Variants in PCDHGB1 observed in about 807,000 individuals in gnomAD.
PCDHGB1 encodes protocadherin gamma subfamily B, 1, also known as protocadherin gamma-B1.
Under a neutral mutation model 56.6 loss-of-function variants are expected in PCDHGB1, and 34 were observed. The ratio of observed to expected loss-of-function variants is 0.60; its 90% CI spans 0.46 to 0.80. The LOEUF is 0.80. PCDHGB1 is among the 30% of genes least tolerant of loss of function. The probability of loss-of-function intolerance (pLI) is 0.00; values close to 1 mark genes in which losing one functional copy is unlikely to be tolerated. For missense variants in PCDHGB1, 1,278 were observed against 1,204.6 expected, an observed-to-expected ratio of 1.06 and a Z score of -0.90; for synonymous variants, 561 against 505.9, an observed-to-expected ratio of 1.11 and a Z score of -1.46.
intron 1 of PCDHGB1, chr5:141,424,773 T>C (rs1398493027): frequency 6.6e-6 from 1 of 152,206 alleles, no homozygotes; most frequent in African/African-American, 2.4e-5. Flanking sequence ...TGGCAAATAG[T>C]ACATTCAGTT....
chr5:141,499,012 G>GGAAGGAAT, intron 2 of PCDHGB1, among the ~76,000 whole-genome samples: 1 of 147,618 alleles, frequency 6.8e-6, no homozygotes. Context: ...AAGGAAGGAA[G>GGAAGGAAT]GAAGGAAGGA....
At chr5:141,418,409 G>T in intron 1 of PCDHGB1, 1 of 1,613,910 alleles carries the variant, frequency 6.2e-7, no homozygotes, top group Non-Finnish European at 8.5e-7. Flanking sequence ...GGTGGAGAAA[G>T]ACAATCCTGA....
At chr5:141,358,578 A>C (rs1241957472) in intron 1 of PCDHGB1, among the ~76,000 whole-genome samples, 4 of 152,212 alleles carry the variant, frequency 2.6e-5, no homozygotes, top group Non-Finnish European at 4.4e-5. Context: ...ACTATGTGTG[A>C]TTCCTCTGGT....
rs61612330 is a variant in PCDHGB1, at chr5:141,454,796, A to ATTTTTTT, written c.2410-39988_2410-39982dup. On this transcript the variant is annotated intron_variant, in intron 1 of 3. Transcript: ENST00000523390. Reference sequence around the variant, plus strand: ...AAGGAAATAATCCTCCATGGTTCTAATTTTTTTTTTTTTTTTTTTTTTTTT... The same window carrying ATTTTTTT: ...AAGGAAATAATCCTCCATGGTTCTAATTTTTTTTTTTTTTTTTTTTTTTTTTTTTTTT... Among the ~76,000 whole-genome samples the ATTTTTTT allele has an allele frequency of 2.6e-3, 198 of 77,448 alleles. 27 individuals are homozygous for ATTTTTTT. The highest frequency in any genetic ancestry group is 8.4e-3 in the African/African-American group (141 of 16,874). The allele number at this position is 77,448 out of a possible 152,430, so 50.8% of individuals were successfully genotyped here. A position where few individuals can be genotyped will look rare whatever the true frequency, so the allele number is the denominator to read the frequency against.
chr5:141,452,449 T>G (rs1482580788), intron 1 of PCDHGB1, among the ~76,000 whole-genome samples: 1 of 152,224 alleles, frequency 6.6e-6, no homozygotes, highest in South Asian at 2.1e-4. Flanking sequence ...TTCTAGGCCT[T>G]GTCAGCAGAC....
intron 1 of PCDHGB1, chr5:141,399,681 C>A (rs2093865042): frequency 1.2e-6 from 2 of 1,613,408 alleles, no homozygotes; most frequent in Non-Finnish European, 1.7e-6. Flanking sequence ...CCTTTGACTA[C>A]GAGCAGCTGC....
At chr5:141,384,845 A>G (rs866832912) in intron 1 of PCDHGB1, 1 of 1,613,546 alleles carries the variant, frequency 6.2e-7, no homozygotes. Flanking sequence ...GTCCAGGACC[A>G]CGGTCAGCCT....
In PCDHGB1 at chr5:141,491,925, G is replaced by A. The variant is rs1019181943; in HGVS notation, c.2410-2882G>A. 5 of 1,325,176 alleles carry A rather than the reference G, an allele frequency of 3.8e-6. No homozygotes were observed. In the Admixed American group the frequency reaches 1.5e-4, roughly 39 times the overall value. 82.1% of individuals were successfully genotyped at this position (1,325,176 alleles called of 1,614,324 possible). A position where few individuals can be genotyped will look rare whatever the true frequency, so the allele number is the denominator to read the frequency against. On this transcript the variant is annotated intron_variant, in intron 1 of 3. Coordinates refer to ENST00000523390, the MANE Select transcript of PCDHGB1 (RefSeq NM_018922.3). The surrounding 1 kb of genome is among the most constrained non-coding windows in gnomAD (Gnocchi z 6.9). ...GGGTGGTGGCGACTGTGGGCGAGGG[G>A]AGGTGGGACCGACCCCCACCCCTAC...
At chr5:141,403,060 T>G (rs2094346399) in intron 1 of PCDHGB1, 2 of 1,614,042 alleles carry the variant, frequency 1.2e-6, no homozygotes, top group Non-Finnish European at 8.5e-7. Flanking sequence ...ACTCAGTGCC[T>G]GAAGAGACAG....
intron 1 of PCDHGB1, among the ~76,000 whole-genome samples, chr5:141,382,084 C>A (rs1777939232): frequency 6.6e-6 from 1 of 152,102 alleles, no homozygotes; most frequent in South Asian, 2.1e-4. Flanking sequence ...CCGCCTCGGC[C>A]TCACAAAGTG....
At chr5:141,360,837 T>C in intron 1 of PCDHGB1, 1 of 1,613,970 alleles carries the variant, frequency 6.2e-7, no homozygotes, top group African/African-American at 1.3e-5. Context: ...AAGTCACGGA[T>C]GCCAACGATA....
At position 141,511,237 on chromosome 5, in the gene PCDHGB1, TG is replaced by T; in HGVS notation, c.*65del. 1 of 1,590,378 alleles carries T rather than the reference TG, an allele frequency of 6.3e-7. No individual in the cohort carries two copies. Among genetic ancestry groups the T allele is most frequent in the Non-Finnish European group, 8.6e-7 (1 of 1,168,304 alleles). On this transcript the variant is annotated 3_prime_UTR_variant, in exon 4 of 4. Transcript: ENST00000523390. ...CCAACCAGCCCAGCTTCTCCTTACC[TG>T]CACCCAGGCCTCAGAGTTTCAGGGC...
At chr5:141,362,139 G>T in intron 1 of PCDHGB1, 1 of 1,614,030 alleles carries the variant, frequency 6.2e-7, no homozygotes, top group Non-Finnish European at 8.5e-7. Context: ...CGGATAGCCT[G>T]CAAGAGGTAT....
intron 1 of PCDHGB1, among the ~76,000 whole-genome samples, chr5:141,363,429 T>C (rs1762921344): frequency 6.6e-6 from 1 of 152,248 alleles, no homozygotes; most frequent in East Asian, 1.9e-4. Flanking sequence ...TGTCTCAACA[T>C]AGAAAGGTCA....
intron 1 of PCDHGB1, among the ~76,000 whole-genome samples, chr5:141,463,810 A>G (rs1469182885): frequency 6.6e-6 from 1 of 152,178 alleles, no homozygotes; most frequent in Non-Finnish European, 1.5e-5. Context: ...AAAAGCTTTT[A>G]TCACACATTT....
intron 1 of PCDHGB1, chr5:141,374,136 C>T (rs769413254): frequency 1.2e-5 from 19 of 1,605,624 alleles, no homozygotes; most frequent in Non-Finnish European, 1.4e-5. Context: ...CTGCTCCTCA[C>T]GCTCCTGGGG....
chr5:141,502,028 G>A (rs561260963), intron 2 of PCDHGB1, among the ~76,000 whole-genome samples: 62 of 152,150 alleles, frequency 4.1e-4, no homozygotes, highest in African/African-American at 1.5e-3. Flanking sequence ...TGCAACCCCC[G>A]CCGCTTGCCT....
chr5:141,360,462 C>T, intron 1 of PCDHGB1: 1 of 1,613,902 alleles, frequency 6.2e-7, no homozygotes, highest in South Asian at 1.1e-5. Context: ...TCGATACTGT[C>T]GCTGAAAATC....
intron 1 of PCDHGB1, among the ~76,000 whole-genome samples, chr5:141,353,110 G>A (rs954233030): frequency 6.6e-6 from 1 of 152,146 alleles, no homozygotes; most frequent in African/African-American, 2.4e-5. Flanking sequence ...GATAGATGGA[G>A]ATTGCTTTCT....
Sources: gnomAD v4.1 joint callset for allele counts (sites outside exome capture counted in the v4.1 genomes callset) on GRCh38, gnomAD v4.1.1 for gene constraint, Gnocchi (gnomAD v3.1) non-coding constraint, MANE v1.5 for transcripts, NCBI Gene and HGNC (gene_info 2026-07-23, HGNC 2026-07-21) for gene names.